The following AJAP1 variants were observed in gnomAD, a reference collection of about 807,000 sequenced individuals.
AJAP1 encodes the protein adherens junctions associated protein 1.
A neutral mutation model predicts 35.0 loss-of-function variants in AJAP1; 5 were observed. That is an observed-to-expected ratio of 0.14 (90% CI 0.07 to 0.30). The LOEUF is 0.30. AJAP1 is among the 10% of genes least tolerant of loss of function. AJAP1 has a pLI of 1.00. For missense variants in AJAP1, 586 were observed against 571.0 expected (o/e 1.03, Z -0.27); for synonymous variants, 284 against 249.3 (o/e 1.14, Z -1.31).
chr1:4,737,558 G>A (rs1016553060), intron 2 of AJAP1, among the ~76,000 whole-genome samples: 1 of 151,860 alleles, frequency 6.6e-6, no homozygotes, highest in Non-Finnish European at 1.5e-5. Context: ...CAGGGCCAGG[G>A]TGCCCAGGTC....
At chr1:4,751,966 G>C (rs181422273) in intron 2 of AJAP1, among the ~76,000 whole-genome samples, 24 of 152,286 alleles carry the variant, frequency 1.6e-4, no homozygotes, top group Admixed American at 1.4e-3. Flanking sequence ...AATGCAACCA[G>C]ACCTTCTTAT....
chr1:4,747,047 C>T (rs959310891), intron 2 of AJAP1, among the ~76,000 whole-genome samples: 25 of 152,326 alleles, frequency 1.6e-4, no homozygotes, highest in Non-Finnish European at 2.2e-4. Context: ...TGTGGGAGAA[C>T]GCCACTGTCC....
intron 1 of AJAP1, among the ~76,000 whole-genome samples, chr1:4,694,102 G>A (rs1639803164): frequency 6.6e-6 from 1 of 152,194 alleles, no homozygotes; most frequent in Non-Finnish European, 1.5e-5. Context: ...GGTGGCCACT[G>A]GGCCCCGTAA....
At chr1:4,684,076 G>A (rs1639546964) in intron 1 of AJAP1, among the ~76,000 whole-genome samples, 1 of 152,176 alleles carries the variant, frequency 6.6e-6, no homozygotes. Context: ...CTGAGCCCTT[G>A]GATCCTCTGG....
chr1:4,660,895 T>A (rs991804304), intron 1 of AJAP1, among the ~76,000 whole-genome samples: 1 of 152,206 alleles, frequency 6.6e-6, no homozygotes, highest in Non-Finnish European at 1.5e-5. Flanking sequence ...GTCCACATCT[T>A]TACGTAAATT....
In AJAP1 at chr1:4,689,601, C is replaced by T. The variant is rs139757579; in HGVS notation, c.30-22299C>T. Among the ~76,000 whole-genome samples the T allele has an allele frequency of 4.6e-5, 7 of 152,288 alleles. No homozygotes were observed. The East Asian group carries it at 5.8e-4, about 13-fold the overall frequency. Reference sequence around the variant, plus strand: ...GATGGCCTGGTCTTGGTTTCAGCTCCGTGGGTGAGAAGCACCATGACAGGA... The same window carrying T: ...GATGGCCTGGTCTTGGTTTCAGCTCTGTGGGTGAGAAGCACCATGACAGGA... On this transcript the variant is annotated intron_variant, in intron 1 of 5. Coordinates refer to ENST00000378191, the MANE Select transcript of AJAP1 (RefSeq NM_018836.4).
chr1:4,778,821 T>C (rs925915002), intron 5 of AJAP1, among the ~76,000 whole-genome samples: 30 of 152,136 alleles, frequency 2.0e-4, no homozygotes, highest in Admixed American at 1.4e-3. Context: ...CCAGAGGTTG[T>C]TTCATGCCAT....
chr1:4,657,922 G>T (rs578239049), intron 1 of AJAP1, among the ~76,000 whole-genome samples: 3 of 152,100 alleles, frequency 2.0e-5, no homozygotes, highest in Non-Finnish European at 4.4e-5. Context: ...GAGCTCCAAA[G>T]ATACTTTCCA....
At chr1:4,666,316 G>A (rs1405975429) in intron 1 of AJAP1, among the ~76,000 whole-genome samples, 1 of 152,194 alleles carries the variant, frequency 6.6e-6, no homozygotes, top group African/African-American at 2.4e-5. Flanking sequence ...CTGTGAAGCT[G>A]GAGAGGAAGG....
At chr1:4,778,450 A>G (rs1341298323) in intron 5 of AJAP1, among the ~76,000 whole-genome samples, 1 of 152,182 alleles carries the variant, frequency 6.6e-6, no homozygotes, top group Non-Finnish European at 1.5e-5. Flanking sequence ...CATGGACAAC[A>G]TGAGAGCCTC....
chr1:4,746,285 C>T (rs1387789053), intron 2 of AJAP1, among the ~76,000 whole-genome samples: 3 of 152,120 alleles, frequency 2.0e-5, no homozygotes, highest in Non-Finnish European at 4.4e-5. Context: ...CTTATAAGGA[C>T]ACTTGTCATT....
At chr1:4,688,177 C>T (rs746821942) in intron 1 of AJAP1, among the ~76,000 whole-genome samples, 5 of 152,124 alleles carry the variant, frequency 3.3e-5, no homozygotes, top group Non-Finnish European at 5.9e-5. Context: ...CTCGGAGCGC[C>T]CCGTAGTCTT....
rs138196935 is a variant in AJAP1 at position 4,719,438 on chromosome 1, A to G, written c.829+6739A>G. Among the ~76,000 whole-genome samples, 191 of 152,318 alleles carry G rather than the reference A, an allele frequency of 1.3e-3. 1 individual carries two copies. Among genetic ancestry groups the G allele is most frequent in the African/African-American group, 3.8e-3 (158 of 41,562 alleles). On this transcript the variant is annotated intron_variant, in intron 2 of 5. Coordinates refer to ENST00000378191, the MANE Select transcript of AJAP1 (RefSeq NM_018836.4). ...ATGTCACCAAGCCACAGCTTCATCAATCGCCCAATTGTTATTCTGGCAATA... is the reference window on the plus strand; with the variant it reads ...ATGTCACCAAGCCACAGCTTCATCAGTCGCCCAATTGTTATTCTGGCAATA...
chr1:4,780,153 A>G (rs1390650562), intron 5 of AJAP1, among the ~76,000 whole-genome samples: 1 of 142,852 alleles, frequency 7.0e-6, no homozygotes, highest in African/African-American at 2.5e-5. Context: ...AAAAAAAAAA[A>G]AAAATTACCA....
At chr1:4,716,315 A>G (rs561024839) in intron 2 of AJAP1, among the ~76,000 whole-genome samples, 9 of 152,234 alleles carry the variant, frequency 5.9e-5, no homozygotes, top group Admixed American at 1.3e-4. Flanking sequence ...GCTTCAGCTC[A>G]TGATTGCTGT....
At chr1:4,679,381 GATGAATGA>G (rs148014994) in intron 1 of AJAP1, among the ~76,000 whole-genome samples, 2 of 152,004 alleles carry the variant, frequency 1.3e-5, no homozygotes, top group African/African-American at 2.4e-5. Context: ...ATATCTGAGT[GATGAATGA>G]ATGAATGAAT....
chr1:4,751,759 C>T (rs1334216908), intron 2 of AJAP1, among the ~76,000 whole-genome samples: 5 of 152,234 alleles, frequency 3.3e-5, no homozygotes, highest in Non-Finnish European at 7.3e-5. Flanking sequence ...AGTTGAAACA[C>T]AAGCCAAGGG....
chr1:4,704,569 G>A (rs1473074396), intron 1 of AJAP1, among the ~76,000 whole-genome samples: 1 of 152,064 alleles, frequency 6.6e-6, no homozygotes, highest in African/African-American at 2.4e-5. Context: ...TTGGACATTT[G>A]GGTTAGTTCC....
At chr1:4,695,592 T>C (rs1162521424) in intron 1 of AJAP1, among the ~76,000 whole-genome samples, 1 of 152,112 alleles carries the variant, frequency 6.6e-6, no homozygotes, top group Non-Finnish European at 1.5e-5. Flanking sequence ...AAGAGAAATG[T>C]GTTTCCTCGT....
Sources: gnomAD v4.1 joint callset for allele counts (sites outside exome capture counted in the v4.1 genomes callset) on GRCh38, gnomAD v4.1.1 for gene constraint, MANE v1.5 for transcripts, NCBI Gene and HGNC (gene_info 2026-07-23, HGNC 2026-07-21) for gene names.